Variants in FAM13A observed in about 807,000 individuals in gnomAD.
FAM13A encodes the protein protein FAM13A.
A neutral mutation model predicts 129.6 loss-of-function variants in FAM13A; 76 were observed. The observed-to-expected ratio is 0.59, with a 90% CI of 0.49 to 0.71. FAM13A has a LOEUF of 0.71. Ranked by LOEUF, FAM13A falls within the 30% of genes least tolerant of loss-of-function variation. The pLI is 0.00. For synonymous variants in FAM13A, 443 were observed against 449.9 expected (o/e 0.98, Z 0.20); for missense variants, 1,108 against 1,249.3 (o/e 0.89, Z 1.70).
At chr4:88,770,860 C>T (rs917581591) in intron 11 of FAM13A, among the ~76,000 whole-genome samples, 1 of 152,148 alleles carries the variant, frequency 6.6e-6, no homozygotes, top group East Asian at 1.9e-4. Context: ...TCCATCCCTA[C>T]CACTTTTTAC....
chr4:88,940,997 G>C (rs1295939241), intron 4 of FAM13A, among the ~76,000 whole-genome samples: 1 of 152,156 alleles, frequency 6.6e-6, no homozygotes, highest in African/African-American at 2.4e-5. Context: ...GCAGGAAGCA[G>C]GTTGATAAAA....
At chr4:88,741,382 G>T (rs945479365) in intron 19 of FAM13A, among the ~76,000 whole-genome samples, 3 of 152,078 alleles carry the variant, frequency 2.0e-5, no homozygotes, top group Non-Finnish European at 2.9e-5. Context: ...AGTAAATTAC[G>T]CCAGACACAA....
At chr4:88,818,352 G>A (rs1731196517) in intron 7 of FAM13A, among the ~76,000 whole-genome samples, 1 of 151,794 alleles carries the variant, frequency 6.6e-6, no homozygotes, top group Non-Finnish European at 1.5e-5. Flanking sequence ...AAGTACCTTG[G>A]GTGGTATCAT....
At chr4:88,985,036 A>T (rs2148998019) in intron 4 of FAM13A, among the ~76,000 whole-genome samples, 1 of 152,332 alleles carries the variant, frequency 6.6e-6, no homozygotes, top group Non-Finnish European at 1.5e-5. Flanking sequence ...GAAGTAACAC[A>T]AATACCCACC....
At chr4:89,026,613 C>T (rs1768001699) in intron 2 of FAM13A, among the ~76,000 whole-genome samples, 2 of 152,140 alleles carry the variant, frequency 1.3e-5, no homozygotes, top group African/African-American at 4.8e-5. Context: ...CACAAGGCAG[C>T]AGGAAGAAGA....
intron 6 of FAM13A, among the ~76,000 whole-genome samples, chr4:88,892,663 A>G (rs1468772884): frequency 1.3e-5 from 2 of 152,198 alleles, no homozygotes; most frequent in Non-Finnish European, 2.9e-5. Context: ...TAAAAGTCAG[A>G]TGTAGAAATT....
At position 88,767,566 on chromosome 4, in the gene FAM13A, G is replaced by A; in HGVS notation, c.1565C>T (p.Thr522Ile). The change falls in exon 13 of 24, where the codon ACT becomes ATT. Residue 522 changes from threonine (T) to isoleucine (I), a missense_variant. Thr to Ile is a moderately conservative substitution (Grantham distance 89). Transcript: ENST00000264344. ...RKGNEKDGGH[T>I]QHFESPTMKI... ...TTAGCTACTCACCTCAAAATGCTGA[G>A]TGTGTCCACCATCTTTTTCATTTCC... The A allele has an allele frequency of 6.2e-7, 1 of 1,603,736 alleles. No homozygotes were observed. Among genetic ancestry groups the A allele is most frequent in the Non-Finnish European group, 8.5e-7 (1 of 1,177,236 alleles).
In FAM13A at chr4:88,750,522, G is replaced by A. The variant is rs940794940; in HGVS notation, c.1842C>T (p.Pro614=). ...AAGCGTAGAACCGAGGAGAGAGCATGGGGTCGCTGTCTTCGTCCAGCAGCT... is the reference window on the plus strand; with the variant it reads ...AAGCGTAGAACCGAGGAGAGAGCATAGGGTCGCTGTCTTCGTCCAGCAGCT... ...IRQLLDEDSD[P]MLSPRFYAYG... Residue 614 remains proline (P), a synonymous_variant, in exon 15 of 24, where the codon CCC becomes CCT. Coordinates refer to ENST00000264344, the MANE Select transcript of FAM13A (RefSeq NM_014883.4). The A allele has an allele frequency of 3.7e-6, 6 of 1,614,152 alleles. No homozygotes were observed. The South Asian group carries it at 6.6e-5, about 18-fold the overall frequency.
At chr4:88,789,239 G>A (rs953976114) in intron 9 of FAM13A, among the ~76,000 whole-genome samples, 7 of 152,136 alleles carry the variant, frequency 4.6e-5, no homozygotes, top group African/African-American at 1.7e-4. Context: ...AAATGAAAAA[G>A]GCAAGAACAT....
chr4:88,960,731 A>T (rs1758489718), intron 4 of FAM13A, among the ~76,000 whole-genome samples: 1 of 152,220 alleles, frequency 6.6e-6, no homozygotes, highest in Admixed American at 6.5e-5. Flanking sequence ...TAAGTGTGAC[A>T]GGCATTGTCT....
At chr4:88,963,151 G>T (rs1056847239) in intron 4 of FAM13A, among the ~76,000 whole-genome samples, 2 of 151,912 alleles carry the variant, frequency 1.3e-5, no homozygotes, top group African/African-American at 2.4e-5. Context: ...AATTGATGAG[G>T]TTATATGCTT....
intron 19 of FAM13A, among the ~76,000 whole-genome samples, chr4:88,745,732 G>A (rs1335164892): frequency 6.6e-6 from 1 of 152,088 alleles, no homozygotes; most frequent in Non-Finnish European, 1.5e-5. Context: ...TTTACTATTT[G>A]GTTCAATGCC....
At chr4:88,992,509 A>C (rs935898381) in intron 3 of FAM13A, among the ~76,000 whole-genome samples, 1 of 152,134 alleles carries the variant, frequency 6.6e-6, no homozygotes, top group Non-Finnish European at 1.5e-5. Context: ...TGTTGGAATT[A>C]CAGGCGTGAC....
intron 1 of FAM13A, among the ~76,000 whole-genome samples, chr4:89,031,868 TTTATTCCTAGAAA>T (rs1375483763): frequency 1.3e-5 from 2 of 152,162 alleles, no homozygotes. Context: ...AATTCCTTGA[TTTATTCCTAGAAA>T]TTCACGAGGT....
At chr4:88,958,747 G>T (rs1008073308) in intron 4 of FAM13A, among the ~76,000 whole-genome samples, 1 of 152,230 alleles carries the variant, frequency 6.6e-6, no homozygotes, top group Non-Finnish European at 1.5e-5. Context: ...GTCTAGTGCA[G>T]CTGTGGGAAG....
intron 6 of FAM13A, among the ~76,000 whole-genome samples, chr4:88,866,536 A>G (rs181020351): frequency 3.5e-4 from 54 of 152,242 alleles, no homozygotes; most frequent in African/African-American, 1.3e-3. Context: ...AAAATTTGCT[A>G]TTTATTTTAA....
chr4:88,790,086 C>T (rs1241566963), intron 9 of FAM13A, among the ~76,000 whole-genome samples: 2 of 152,096 alleles, frequency 1.3e-5, no homozygotes, highest in Non-Finnish European at 2.9e-5. Context: ...CACTAATTTG[C>T]TTTCTTTTCT....
chr4:89,015,316 C>T (rs960653850), intron 3 of FAM13A, among the ~76,000 whole-genome samples: 21 of 152,156 alleles, frequency 1.4e-4, no homozygotes, highest in African/African-American at 4.8e-4. Flanking sequence ...ATCTCTGTGA[C>T]CCACACCCTA....
Position 88,728,480 on chromosome 4 carries a change from G to A in FAM13A, c.*53C>T. 6.2e-7 allele frequency: 1 copy of A among 1,610,806 alleles called. No individual in the cohort carries two copies. Among genetic ancestry groups the A allele is most frequent in the South Asian group, 1.1e-5 (1 of 90,962 alleles). On this transcript the variant is annotated 3_prime_UTR_variant, in exon 24 of 24. Transcript: ENST00000264344. ...GCCTTCCAGAGCTGCACTTTCTCTG[G>A]GGACAGTAAACTCTCACCGCAGCTG...
Sources: gnomAD v4.1 joint callset for allele counts (sites outside exome capture counted in the v4.1 genomes callset) on GRCh38, gnomAD v4.1.1 for gene constraint, MANE v1.5 for transcripts, NCBI Gene and HGNC (gene_info 2026-07-23, HGNC 2026-07-21) for gene names.